Variants in ERCC6 observed in about 807,000 individuals in gnomAD.
ERCC6 encodes DNA excision repair protein ERCC-6.
A neutral mutation model predicts 158.7 loss-of-function variants in ERCC6; 116 were observed. That is an observed-to-expected ratio of 0.73 (90% confidence interval 0.63 to 0.85). ERCC6 has a LOEUF of 0.85. Ranked by LOEUF, ERCC6 falls within the 40% of genes least tolerant of loss-of-function variation. The pLI, the probability that ERCC6 is intolerant of heterozygous loss-of-function variation, is 0.00. For synonymous variants in ERCC6, 678 were observed against 659.3 expected (o/e 1.03, Z -0.43); for missense variants, 1,698 against 1,799.4 (o/e 0.94, Z 1.02).
chr10:49,453,925 G>T (rs73297744), downstream of ERCC6, among the ~76,000 whole-genome samples: 5,554 of 151,996 alleles, frequency 0.037, 343 homozygotes, highest in African/African-American at 0.13. Flanking sequence ...CAGCATTTTT[G>T]ACTATGATGT....
chr10:49,523,837 A>C (rs573915835), intron 5 of ERCC6, among the ~76,000 whole-genome samples, 196 bp downstream of exon 5: 5 of 152,122 alleles, frequency 3.3e-5, no homozygotes, highest in African/African-American at 1.2e-4. Context: ...CTAGAAGTAC[A>C]TGCATTTGGG....
intron 18 of ERCC6, 90 bp from the exon 19 acceptor site, chr10:49,461,646 A>G (rs982277429): frequency 5.4e-6 from 7 of 1,305,006 alleles, no homozygotes; most frequent in South Asian, 2.5e-5. Flanking sequence ...ACTGTAGTAG[A>G]CAAAAACAAA....
At chr10:49,436,887 G>A in the ERCC6 span, among the ~76,000 whole-genome samples, 2 of 152,186 alleles carry the variant, frequency 1.3e-5, no homozygotes, top group Admixed American at 1.3e-4. Context: ...AGAGAGAATA[G>A]ATAAATTGTG....
In ERCC6 at chr10:49,470,460, G is replaced by T. The variant is rs1468186846; in HGVS notation, c.3500C>A (p.Ala1167Asp). The change falls in exon 18 of 21, where the codon GCT becomes GAT. Residue 1167 changes from alanine (A) to aspartate (D), a missense_variant. Physicochemically the swap from Ala to Asp is moderately radical, Grantham distance 126. Coordinates refer to ENST00000355832, the MANE Select transcript of ERCC6 (RefSeq NM_000124.4). ...RERPSQAQTE[A>D]FWENKQMENN... Reference sequence around the variant, plus strand: ...TTCCATTTGTTTATTCTCCCAAAAAGCTTCTGTTTGAGCCTGGCTGGGTCT... The same window carrying T: ...TTCCATTTGTTTATTCTCCCAAAAATCTTCTGTTTGAGCCTGGCTGGGTCT... 1 of 1,614,096 alleles carries T rather than the reference G, an allele frequency of 6.2e-7. No individual in the cohort carries two copies. The highest frequency in any genetic ancestry group is 1.7e-5 in the Admixed American group (1 of 60,020).
chr10:49,444,170 C>T, the ERCC6 span, among the ~76,000 whole-genome samples: 1 of 152,138 alleles, frequency 6.6e-6, no homozygotes, highest in Non-Finnish European at 1.5e-5. Flanking sequence ...TACCCCTGCC[C>T]CAGACATTTC....
chr10:49,447,736 A>C, the ERCC6 span, among the ~76,000 whole-genome samples: 3 of 150,838 alleles, frequency 2.0e-5, no homozygotes, highest in African/African-American at 7.3e-5. Flanking sequence ...ATCACTCCCC[A>C]TCCCCCTCCC....
At chr10:49,488,314 A>T (rs2132558401) in intron 8 of ERCC6, 1 of 156,910 alleles carries the variant, frequency 6.4e-6, no homozygotes. Context: ...GGAGCGAAGC[A>T]CAGGCACATG....
chr10:49,458,902 GAC>G lies in ERCC6; in HGVS notation c.4393_4394del (p.Val1465LeufsTer13), dbSNP rs1850526416. 1.1e-5 allele frequency: 18 copies of G among 1,614,118 alleles called. No homozygotes were observed. Among genetic ancestry groups the G allele is most frequent in the Non-Finnish European group, 1.4e-5 (17 of 1,180,054 alleles). Reference sequence around the variant, plus strand: ...ACAGATTTCTCAATAGTTCTCGGAAGACACAAGACTGTGATGCAGATAACTTG... The same window carrying G: ...ACAGATTTCTCAATAGTTCTCGGAAGACAAGACTGTGATGCAGATAACTTG... ...ESKLSASQSC[V>X]FRELLRNLCT... On this transcript the variant is annotated frameshift_variant, in exon 21 of 21. Coordinates refer to ENST00000355832, the MANE Select transcript of ERCC6 (RefSeq NM_000124.4). LOFTEE classifies it high-confidence loss of function.
Position 49,506,508 on chromosome 10 carries a change from T to C in ERCC6, c.1398-496A>G, listed in dbSNP as rs532273214. ...AAAGCAAATTTGGGGTCAAAATCAC[T>C]GAATCAGGTTCACATTACTGATTAC... On this transcript the variant is annotated intron_variant, in intron 5 of 20. Coordinates refer to ENST00000355832, the MANE Select transcript of ERCC6 (RefSeq NM_000124.4). 14 of 164,702 alleles carry C rather than the reference T, an allele frequency of 8.5e-5. No homozygotes were observed. In the South Asian group the frequency reaches 2.3e-3, roughly 27 times the overall value. 10.2% of individuals were successfully genotyped at this position (164,702 alleles called of 1,614,324 possible).
chr10:49,516,065 T>C, intron 5 of ERCC6: 4 of 1,614,160 alleles, frequency 2.5e-6, no homozygotes, highest in Non-Finnish European at 3.4e-6. Flanking sequence ...AGTTATTGAA[T>C]ACAAAATGGT....
At position 49,473,613 on chromosome 10, in the gene ERCC6, T is replaced by C. The variant is rs4253196; in HGVS notation, c.2599-26A>G. ...CTGTTTGGAGGTGGGGGATAGGAGTTTGCAAAGCAAATACACATTCCCAGT... is the reference window on the plus strand; with the variant it reads ...CTGTTTGGAGGTGGGGGATAGGAGTCTGCAAAGCAAATACACATTCCCAGT... On this transcript the variant is annotated intron_variant, in intron 13 of 20. Coordinates refer to ENST00000355832, the MANE Select transcript of ERCC6 (RefSeq NM_000124.4). 1.1e-4 allele frequency: 143 copies of C among 1,344,152 alleles called. No individual in the cohort carries two copies. The highest frequency in any genetic ancestry group is 1.5e-4 in the Non-Finnish European group (136 of 933,748). 83.3% of individuals were successfully genotyped at this position (1,344,152 alleles called of 1,614,324 possible).
chr10:49,463,951 A>T (rs1426204721), intron 18 of ERCC6, among the ~76,000 whole-genome samples: 1 of 152,184 alleles, frequency 6.6e-6, no homozygotes, highest in African/African-American at 2.4e-5. Context: ...AAATGCACTA[A>T]TAAAGGCAAC....
At chr10:49,446,471 A>C in the ERCC6 span, among the ~76,000 whole-genome samples, 1 of 152,240 alleles carries the variant, frequency 6.6e-6, no homozygotes, top group Non-Finnish European at 1.5e-5. Context: ...AATAAACATT[A>C]TGATTATAAA....
chr10:49,441,483 T>A, the ERCC6 span, among the ~76,000 whole-genome samples: 1 of 152,178 alleles, frequency 6.6e-6, no homozygotes, highest in Non-Finnish European at 1.5e-5. Flanking sequence ...ATGAAAAAAA[T>A]TTACTCACTT....
At position 49,493,169 on chromosome 10, in the gene ERCC6, G is replaced by A; in HGVS notation, c.1769C>T (p.Pro590Leu). 2 of 1,614,112 alleles carry A rather than the reference G, an allele frequency of 1.2e-6. No homozygotes were observed. Among genetic ancestry groups the A allele is most frequent in the Non-Finnish European group, 1.7e-6 (2 of 1,180,006 alleles). Residue 590 changes from proline (P) to leucine (L), a missense_variant, in exon 8 of 21, where the codon CCT becomes CTT. By Grantham distance (98) the Pro-to-Leu change is moderately conservative (BLOSUM62 -3). Coordinates refer to ENST00000355832, the MANE Select transcript of ERCC6 (RefSeq NM_000124.4). Reference protein sequence around the residue: ...QWVKEFHTWWPPFRVAILHET... With the variant: ...QWVKEFHTWWLPFRVAILHET... ...ATGTAGAATTGCCACTCTGAACGGA[G>A]GCCACCACGTGTGAAATTCCTTCAC... is the stretch of plus-strand genomic sequence containing the variant.
At chr10:49,536,807 G>A (rs1023581936) in intron 1 of ERCC6, among the ~76,000 whole-genome samples, 2 of 152,102 alleles carry the variant, frequency 1.3e-5, no homozygotes, top group Admixed American at 6.5e-5. Flanking sequence ...AAATGGTAGC[G>A]CAAAAGAGTC....
chr10:49,481,226 T>C (rs1201479256), intron 10 of ERCC6, among the ~76,000 whole-genome samples: 2 of 152,198 alleles, frequency 1.3e-5, no homozygotes, highest in African/African-American at 4.8e-5. Context: ...GTTTGCAAAA[T>C]GCTAACAATC....
At position 49,472,966 on chromosome 10, in the gene ERCC6, C is replaced by T. The variant is rs961726619; in HGVS notation, c.2772G>A (p.Thr924=). The change falls in exon 15 of 21, where the codon ACG becomes ACA. Residue 924 remains threonine (T), a synonymous_variant. Coordinates refer to ENST00000355832, the MANE Select transcript of ERCC6 (RefSeq NM_000124.4). The stretch of plus-strand genomic sequence containing the variant: ...CATAGATGACAACTCTGTTTGCCCC[C>T]GTCAGGTTGACACCTAAGCCGCCCA... ...TRVGGLGVNL[T]GANRVVIYDP... 5 of 1,614,034 alleles carry T rather than the reference C, an allele frequency of 3.1e-6. No homozygotes were observed. The African/African-American group carries it at 4.0e-5, about 13-fold the overall frequency.
In ERCC6 at chr10:49,517,722, T is replaced by C. The variant is rs1384316191; in HGVS notation, c.1397+6311A>G. Among the ~76,000 whole-genome samples, 7 of 152,080 alleles carry C rather than the reference T, an allele frequency of 4.6e-5. No individual in the cohort carries two copies. The East Asian group carries it at 1.4e-3, about 29-fold the overall frequency. On this transcript the variant is annotated intron_variant, in intron 5 of 20. Coordinates refer to ENST00000355832, the MANE Select transcript of ERCC6 (RefSeq NM_000124.4). ...GCACATCACCACACCCAGCTAACTT[T>C]TTCTATTTTTGGGGTTTCACCATGT...
Sources: gnomAD v4.1 joint callset for allele counts (sites outside exome capture counted in the v4.1 genomes callset) on GRCh38, gnomAD v4.1.1 for gene constraint, MANE v1.5 for transcripts, NCBI Gene and HGNC (gene_info 2026-07-23, HGNC 2026-07-21) for gene names.